Variants in SYNE1 observed in about 807,000 individuals in gnomAD.
The protein encoded by SYNE1 is nesprin-1.
SYNE1 carries 616 observed loss-of-function variants against 1,111.0 expected under a neutral mutation model. The ratio of observed to expected loss-of-function variants is 0.55; its 90% CI spans 0.52 to 0.59. The LOEUF (loss-of-function observed/expected upper bound fraction) is 0.59. Ranked by LOEUF, SYNE1 falls within the 20% of genes least tolerant of loss-of-function variation. SYNE1 has a pLI of 0.00. For missense variants in SYNE1, 10,006 were observed against 10,417.0 expected (o/e 0.96, Z 1.72); for synonymous variants, 3,855 against 3,825.8 (o/e 1.01, Z -0.28).
intron 87 of SYNE1, among the ~76,000 whole-genome samples, chr6:152,311,330 G>A (rs1231523608): frequency 6.6e-6 from 1 of 152,122 alleles, no homozygotes; most frequent in Non-Finnish European, 1.5e-5. Context: ...ATAAGAACAA[G>A]AGCATTACAA....
intron 95 of SYNE1, among the ~76,000 whole-genome samples, chr6:152,286,426 G>A (rs1221161371): frequency 1.3e-5 from 2 of 152,302 alleles, no homozygotes; most frequent in Middle Eastern, 3.4e-3. Context: ...ATGATTGTGA[G>A]AGTCGTTCAT....
chr6:152,232,350 T>C (rs2082971197), intron 112 of SYNE1, 85 bp from the exon 113 acceptor site: 1 of 1,423,128 alleles, frequency 7.0e-7, no homozygotes, highest in Admixed American at 1.7e-5. Flanking sequence ...ACAATAATTC[T>C]TAAAAATGTA....
chr6:152,605,088 G>A (rs372625705), intron 3 of SYNE1, among the ~76,000 whole-genome samples: 43 of 81,384 alleles, frequency 5.3e-4, no homozygotes, highest in Non-Finnish European at 8.4e-4. Context: ...AAGGAAGGAA[G>A]GAAGGAAGGA....
intron 3 of SYNE1, among the ~76,000 whole-genome samples, chr6:152,606,978 CTTTTTTTTTTTTTT>C (rs71017544): frequency 3.2e-5 from 2 of 62,210 alleles, no homozygotes; most frequent in African/African-American, 1.5e-4. Context: ...CCTCGGTTCT[CTTTTTTTTTTTTTT>C]TTTTTTTTTT....
chr6:152,416,026 G>C (rs1430982875), intron 41 of SYNE1, among the ~76,000 whole-genome samples: 2 of 152,128 alleles, frequency 1.3e-5, no homozygotes, highest in Admixed American at 6.5e-5. Context: ...GGGCTGGAGG[G>C]GAAAGAGACA....
chr6:152,447,435 T>C (rs370841933), intron 29 of SYNE1, 23 bp downstream of exon 29: 2 of 1,613,154 alleles, frequency 1.2e-6, no homozygotes, highest in African/African-American at 2.7e-5. Flanking sequence ...ACTGTCTGTT[T>C]AGAGTGTGAG....
intron 3 of SYNE1, among the ~76,000 whole-genome samples, chr6:152,568,975 T>C (rs2099430007): frequency 6.6e-6 from 1 of 152,206 alleles, no homozygotes; most frequent in African/African-American, 2.4e-5. Context: ...CTGTAATAAG[T>C]TGCCATTTTT....
intron 39 of SYNE1, among the ~76,000 whole-genome samples, chr6:152,423,964 C>T (rs2098311643): frequency 6.6e-6 from 1 of 152,206 alleles, no homozygotes; most frequent in Admixed American, 6.5e-5. Flanking sequence ...CCCTGCCATG[C>T]TACCCTGTTT....
chr6:152,462,744 G>C lies in SYNE1; in HGVS notation c.2244C>G (p.Asp748Glu). The change falls in exon 20 of 146, where the codon GAC becomes GAG. Residue 748 changes from aspartate to glutamate, a missense_variant. Physicochemically the swap from Asp to Glu is conservative, Grantham distance 45. This residue lies in a region of SYNE1 where 1,971 missense variants were observed against 2,084.1 expected (regional missense o/e 0.95). Coordinates refer to ENST00000367255, the MANE Select transcript of SYNE1 (RefSeq NM_182961.4). ...TGATTCAGAAACCCCTCACCTCCAA[G>C]TCTTGAATTAATAGCTTGACATTCA... is the stretch of plus-strand genomic sequence containing the variant. Reference protein sequence around the residue: ...SFMNVKLLIQDLEDIEQRVPV... With the variant: ...SFMNVKLLIQELEDIEQRVPV... 6.2e-7 allele frequency: 1 copy of C among 1,613,966 alleles called. No individual in the cohort carries two copies. The highest frequency in any genetic ancestry group is 8.5e-7 in the Non-Finnish European group (1 of 1,179,942).
intron 62 of SYNE1, 105 bp from the exon 63 acceptor site, chr6:152,365,124 C>G: frequency 6.9e-7 from 1 of 1,445,728 alleles, no homozygotes; most frequent in African/African-American, 1.4e-5. Context: ...GCAATTGTGC[C>G]CAGCCCTGGA....
chr6:152,392,822 T>C (rs2097666995), intron 51 of SYNE1, among the ~76,000 whole-genome samples: 2 of 152,250 alleles, frequency 1.3e-5, no homozygotes, highest in Non-Finnish European at 2.9e-5. Context: ...ATTTCCCTTC[T>C]TACTATGAGA....
intron 137 of SYNE1, chr6:152,147,057 C>T (rs765764295): frequency 1.7e-4 from 26 of 152,470 alleles, no homozygotes; most frequent in Non-Finnish European, 3.2e-4. Context: ...CCTTGCCCAC[C>T]TGCACCCACA....
chr6:152,386,246 CTAT>C (rs896965833), intron 54 of SYNE1, among the ~76,000 whole-genome samples: 1 of 151,896 alleles, frequency 6.6e-6, no homozygotes, highest in Non-Finnish European at 1.5e-5. Flanking sequence ...GAGGAAGATA[CTAT>C]TATTATTATT....
chr6:152,573,385 T>A (rs994450796), intron 3 of SYNE1, among the ~76,000 whole-genome samples: 16 of 135,942 alleles, frequency 1.2e-4, no homozygotes, highest in Non-Finnish European at 1.1e-4. Context: ...CCTGTGTCCA[T>A]GTGTTCTCAT....
At chr6:152,380,866 CTTAT>C in intron 56 of SYNE1, 136 bp downstream of exon 56, 1 of 810,202 alleles carries the variant, frequency 1.2e-6, no homozygotes, top group Non-Finnish European at 2.1e-6. Context: ...TCAGACTTTG[CTTAT>C]TTAATGAGAT....
chr6:152,576,176 T>C (rs1196224471), intron 3 of SYNE1, among the ~76,000 whole-genome samples: 1 of 152,244 alleles, frequency 6.6e-6, no homozygotes, highest in Non-Finnish European at 1.5e-5. Flanking sequence ...GTTATTGGTA[T>C]GCATTCACAT....
At position 152,295,787 on chromosome 6, in the gene SYNE1, G is replaced by A. The variant is rs1384244264; in HGVS notation, c.17683-1660C>T. ...ACTGCTTAAACCTGACTCTCCCACA[G>A]ACTCTGAGAATCCCATAAACTGCTT... On this transcript the variant is annotated intron_variant, in intron 93 of 145. Transcript: ENST00000367255. 2.6e-5 allele frequency among the ~76,000 whole-genome samples: 4 copies of A among 152,120 alleles called. No individual in the cohort carries two copies. In the East Asian group the frequency reaches 7.7e-4, roughly 29 times the overall value.
At chr6:152,564,865 C>T (rs1364549321) in intron 3 of SYNE1, among the ~76,000 whole-genome samples, 1 of 152,026 alleles carries the variant, frequency 6.6e-6, no homozygotes, top group Non-Finnish European at 1.5e-5. Context: ...CTTCATTTAG[C>T]CATATGTAAA....
intron 3 of SYNE1, among the ~76,000 whole-genome samples, chr6:152,616,466 C>G (rs948595894): frequency 1.3e-5 from 2 of 152,074 alleles, no homozygotes; most frequent in Non-Finnish European, 2.9e-5. Flanking sequence ...ATCCCAGCTA[C>G]TTGGGAGGCT....
Sources: allele counts gnomAD v4.1 joint callset (sites outside exome capture counted in the v4.1 genomes callset), GRCh38; gene constraint gnomAD v4.1.1; regional missense constraint gnomAD v4.1.1; transcripts MANE v1.5; gene names NCBI Gene and HGNC (gene_info 2026-07-23, HGNC 2026-07-21).